PLCXD3: variants seen among roughly 807,000 people sequenced by gnomAD.
The protein encoded by PLCXD3 is phosphatidylinositol specific phospholipase C X domain containing 3.
PLCXD3 carries 19 observed loss-of-function variants against 25.5 expected under a neutral mutation model. That is an observed-to-expected ratio of 0.75 (90% confidence interval 0.52 to 1.09). PLCXD3 has a LOEUF of 1.09. Among genes scored for constraint, PLCXD3 ranks in the 50% least tolerant of loss-of-function variants. The probability of loss-of-function intolerance (pLI) is 0.00; values close to 1 mark genes in which losing one functional copy is unlikely to be tolerated. For missense variants in PLCXD3, 411 were observed against 388.1 expected (o/e 1.06, Z -0.50); for synonymous variants, 174 against 137.6 (o/e 1.26, Z -1.85).
intron 2 of PLCXD3, among the ~76,000 whole-genome samples, chr5:41,367,027 C>G (rs1190820174): frequency 6.6e-6 from 1 of 152,070 alleles, no homozygotes; most frequent in African/African-American, 2.4e-5. Flanking sequence ...ATTTTTAAAA[C>G]TTAGTCTATC....
At chr5:41,338,086 T>G (rs868492112) in intron 2 of PLCXD3, among the ~76,000 whole-genome samples, 58 of 152,284 alleles carry the variant, frequency 3.8e-4, no homozygotes, top group Non-Finnish European at 1.2e-4. Flanking sequence ...TCCTTGTATA[T>G]TTCCTCCTTG....
At position 41,312,828 on chromosome 5, in the gene PLCXD3, T is replaced by C. The variant is rs1743175235; in HGVS notation, c.*789A>G. On this transcript the variant is annotated 3_prime_UTR_variant, in exon 3 of 3. Transcript: ENST00000377801. Reference sequence around the variant, plus strand: ...ATTTTAACACACTTGTACCTTACCATTTACTGGGTACTTGCAGGGCAATAT... The same window carrying C: ...ATTTTAACACACTTGTACCTTACCACTTACTGGGTACTTGCAGGGCAATAT... 1.3e-5 allele frequency: 2 copies of C among 152,430 alleles called. No individual in the cohort carries two copies. The highest frequency in any genetic ancestry group is 4.2e-4 in the South Asian group (2 of 4,818). 9.4% of individuals were successfully genotyped at this position (152,430 alleles called of 1,614,324 possible). A position where few individuals can be genotyped will look rare whatever the true frequency, so the allele number is the denominator to read the frequency against.
intron 1 of PLCXD3, among the ~76,000 whole-genome samples, chr5:41,394,276 AC>A (rs1226069695): frequency 2.0e-5 from 3 of 152,176 alleles, no homozygotes; most frequent in Non-Finnish European, 4.4e-5. Context: ...GTAACCTGAA[AC>A]CAGAAAAATG....
chr5:41,462,715 G>T (rs990846567), intron 1 of PLCXD3, among the ~76,000 whole-genome samples: 10 of 151,846 alleles, frequency 6.6e-5, no homozygotes, highest in African/African-American at 2.4e-4. Context: ...AACCTGGGGG[G>T]CAGAGGTTGC....
intron 1 of PLCXD3, among the ~76,000 whole-genome samples, chr5:41,472,898 A>T (rs1309072396): frequency 6.6e-6 from 1 of 151,282 alleles, no homozygotes; most frequent in Admixed American, 6.6e-5. Context: ...ATAAGGAACA[A>T]TTTTTTTTTG....
chr5:41,330,862 A>C (rs902277596), intron 2 of PLCXD3, among the ~76,000 whole-genome samples: 1 of 152,254 alleles, frequency 6.6e-6, no homozygotes, highest in South Asian at 2.1e-4. Flanking sequence ...TTATCTCAAT[A>C]GATGCAGAAA....
At chr5:41,467,573 T>C (rs774518573) in intron 1 of PLCXD3, among the ~76,000 whole-genome samples, 12 of 152,174 alleles carry the variant, frequency 7.9e-5, no homozygotes, top group Non-Finnish European at 1.8e-4. Context: ...CCCATTTGTA[T>C]ATCTTTGCTT....
At chr5:41,503,418 C>T (rs1283524020) in intron 1 of PLCXD3, among the ~76,000 whole-genome samples, 5 of 152,102 alleles carry the variant, frequency 3.3e-5, no homozygotes, top group African/African-American at 1.2e-4. Context: ...GTTGTAAGAG[C>T]TGTCCACTTC....
intron 1 of PLCXD3, among the ~76,000 whole-genome samples, chr5:41,452,700 T>C (rs1273772579): frequency 1.3e-5 from 2 of 152,002 alleles, no homozygotes; most frequent in Non-Finnish European, 2.9e-5. Flanking sequence ...GGCAGAGACA[T>C]ATTTACTTGA....
intron 1 of PLCXD3, among the ~76,000 whole-genome samples, chr5:41,383,388 C>A (rs1384188114): frequency 2.6e-5 from 4 of 152,012 alleles, no homozygotes; most frequent in Admixed American, 2.6e-4. Flanking sequence ...TTGCAAATTT[C>A]AAGACTCCAG....
intron 1 of PLCXD3, among the ~76,000 whole-genome samples, chr5:41,456,939 C>T (rs1429224232): frequency 2.0e-5 from 3 of 151,846 alleles, no homozygotes; most frequent in South Asian, 4.1e-4. Flanking sequence ...TGGACCAAGA[C>T]CATTAAGAAA....
intron 2 of PLCXD3, among the ~76,000 whole-genome samples, chr5:41,332,411 C>T (rs1346743235): frequency 9.2e-5 from 14 of 151,852 alleles, no homozygotes; most frequent in African/African-American, 1.2e-4. Context: ...CTCACACCAG[C>T]TAGAATGGCA....
rs117907903 is a variant in PLCXD3 at position 41,474,433 on chromosome 5, G to C, written c.103+35991C>G. Among the ~76,000 whole-genome samples, 144 of 152,182 alleles carry C rather than the reference G, an allele frequency of 9.5e-4. 1 individual carries two copies. The East Asian group carries it at 0.016, about 17-fold the overall frequency. On this transcript the variant is annotated intron_variant, in intron 1 of 2. Transcript: ENST00000377801. The stretch of plus-strand genomic sequence containing the variant: ...GCTGTTTACTCAGATAGCTTCCAAT[G>C]GTATACTGAATTGATCATGACCCTC...
chr5:41,487,458 C>T (rs1032832442), intron 1 of PLCXD3, among the ~76,000 whole-genome samples: 6 of 152,264 alleles, frequency 3.9e-5, no homozygotes, highest in African/African-American at 1.4e-4. Flanking sequence ...ATTAATTGGA[C>T]ATTGACTATA....
chr5:41,340,695 G>C (rs1373151933), intron 2 of PLCXD3, among the ~76,000 whole-genome samples: 1 of 152,162 alleles, frequency 6.6e-6, no homozygotes, highest in Non-Finnish European at 1.5e-5. Context: ...AGGCAGAACT[G>C]TTTAGAGGGA....
rs576652173 is a variant in PLCXD3 at position 41,462,795 on chromosome 5, A to AAAAAAG, written c.103+47623_103+47628dup. ...ATGAAACTCTGTCTCAAAAAGAAAAAAAAAAGAAAAAGAAAAAGAATGGGC... is the reference window on the plus strand; with the variant it reads ...ATGAAACTCTGTCTCAAAAAGAAAAAAAAAAGAAAAAGAAAAAGAAAAAGAATGGGC... On this transcript the variant is annotated intron_variant, in intron 1 of 2. Coordinates refer to ENST00000377801, the MANE Select transcript of PLCXD3 (RefSeq NM_001005473.3). Among the ~76,000 whole-genome samples the AAAAAAG allele has an allele frequency of 4.0e-3, 614 of 152,050 alleles. 4 individuals are homozygous for AAAAAAG. The highest frequency in any genetic ancestry group is 7.8e-3 in the Non-Finnish European group (533 of 67,960).
At chr5:41,423,703 T>TG (rs2150506700) in intron 1 of PLCXD3, among the ~76,000 whole-genome samples, 1 of 152,278 alleles carries the variant, frequency 6.6e-6, no homozygotes, top group East Asian at 1.9e-4. Flanking sequence ...CCCAGCACTT[T>TG]GGGAGGCCGA....
intron 2 of PLCXD3, among the ~76,000 whole-genome samples, chr5:41,366,098 C>A (rs1004213014): frequency 1.2e-4 from 18 of 152,054 alleles, no homozygotes; most frequent in Non-Finnish European, 2.6e-4. Context: ...CCCACTCTCC[C>A]AGCCCCACGA....
At position 41,489,646 on chromosome 5, in the gene PLCXD3, A is replaced by T. The variant is rs576224380; in HGVS notation, c.103+20778T>A. Among the ~76,000 whole-genome samples, 688 of 151,946 alleles carry T rather than the reference A, an allele frequency of 4.5e-3. 9 individuals carry two copies. Among genetic ancestry groups the T allele is most frequent in the African/African-American group, 0.016 (652 of 41,424 alleles). On this transcript the variant is annotated intron_variant, in intron 1 of 2. Coordinates refer to ENST00000377801, the MANE Select transcript of PLCXD3 (RefSeq NM_001005473.3). ...AGTTCTCCTTGAAGAGGTCCTTCACATCCCTTGTAAGTTGGATTCCTAGGT... is the reference window on the plus strand; with the variant it reads ...AGTTCTCCTTGAAGAGGTCCTTCACTTCCCTTGTAAGTTGGATTCCTAGGT...
Sources: gnomAD v4.1 joint callset for allele counts (sites outside exome capture counted in the v4.1 genomes callset) on GRCh38, gnomAD v4.1.1 for gene constraint, MANE v1.5 for transcripts, NCBI Gene and HGNC (gene_info 2026-07-23, HGNC 2026-07-21) for gene names.